COL17A1: variants seen among roughly 807,000 people sequenced by gnomAD.
COL17A1 encodes the protein collagen type XVII alpha 1 chain.
In COL17A1, 181 loss-of-function variants were observed where a neutral mutation model predicts 218.4. That is an observed-to-expected ratio of 0.83 (90% CI 0.73 to 0.94). COL17A1 has a LOEUF of 0.94. COL17A1 is among the 40% of genes least tolerant of loss of function. COL17A1 has a pLI of 0.00. For missense variants in COL17A1, 1,924 were observed against 1,945.9 expected (o/e 0.99, Z 0.21); for synonymous variants, 721 against 731.0 (o/e 0.99, Z 0.22).
Position 104,050,249 on chromosome 10 carries a change from T to C in COL17A1, c.2129-125A>G, listed in dbSNP as rs911517443. The C allele has an allele frequency of 5.4e-5, 76 of 1,400,710 alleles. 1 individual carries two copies. Among genetic ancestry groups the C allele is most frequent in the South Asian group, 3.5e-4 (28 of 79,960 alleles). 86.8% of individuals were successfully genotyped at this position (1,400,710 alleles called of 1,614,324 possible). On this transcript the variant is annotated intron_variant, in intron 27 of 55. Coordinates refer to ENST00000648076, the MANE Select transcript of COL17A1 (RefSeq NM_000494.4). The stretch of plus-strand genomic sequence containing the variant: ...GTATCCGTGAACTCCTGTCAGCGGA[T>C]GTTGGTGAGGACACAGCATTAATGC...
At chr10:104,064,621 C>A in intron 9 of COL17A1, 25 bp from the exon 10 acceptor site, 2 of 1,601,454 alleles carry the variant, frequency 1.2e-6, no homozygotes, top group Non-Finnish European at 1.7e-6. Flanking sequence ...ATGCACACAC[C>A]CCAGTGAGAG....
intron 37 of COL17A1, 62 bp downstream of exon 37, chr10:104,041,423 A>G: frequency 6.2e-7 from 1 of 1,600,140 alleles, no homozygotes; most frequent in South Asian, 1.1e-5. Flanking sequence ...CTTCCTCACT[A>G]AGTGCATTGA....
At chr10:104,060,978 G>A (rs1390887080) in intron 13 of COL17A1, among the ~76,000 whole-genome samples, 1 of 152,194 alleles carries the variant, frequency 6.6e-6, no homozygotes, top group Non-Finnish European at 1.5e-5. Flanking sequence ...TTAGAACAAT[G>A]GAGGAAACAG....
In COL17A1 at chr10:104,035,509, C is replaced by G. The variant is rs769963119; in HGVS notation, c.3473G>C (p.Gly1158Ala). 1.9e-6 allele frequency: 3 copies of G among 1,613,944 alleles called. No homozygotes were observed. The highest frequency in any genetic ancestry group is 1.7e-5 in the Admixed American group (1 of 59,998). Residue 1158 changes from glycine to alanine, a missense_variant, in exon 49 of 56, where the codon GGA (glycine) becomes GCA (alanine). Transcript: ENST00000648076. ...GGAGAGGAGCTCCTCATAGGAGGTT[C>G]CCGGCAAGCCAGGGGGCCCCGGGGG... ...PGPPGPPGLPGTSYEELLSLL... is the reference protein window; with the variant it reads ...PGPPGPPGLPATSYEELLSLL...
chr10:104,038,350 AAG>A, intron 45 of COL17A1, 54 bp downstream of exon 45: 2 of 1,610,064 alleles, frequency 1.2e-6, no homozygotes, highest in African/African-American at 2.7e-5. Flanking sequence ...CTCCCTTGCA[AAG>A]AGACTGTATC....
chr10:104,034,377 T>A (rs866473872), intron 51 of COL17A1, 43 bp from the exon 52 acceptor site: 4 of 1,530,298 alleles, frequency 2.6e-6, no homozygotes, highest in Non-Finnish European at 8.7e-7. Context: ...CAGATCTCGG[T>A]GGAGAGAAAG....
chr10:104,061,694 A>AC (rs1200015524), intron 12 of COL17A1, among the ~76,000 whole-genome samples: 1 of 151,624 alleles, frequency 6.6e-6, no homozygotes, highest in Non-Finnish European at 1.5e-5. Flanking sequence ...GTCCTCCTAG[A>AC]CCCCCATGCA....
Position 104,032,191 on chromosome 10 carries a change from T to C in COL17A1, c.*44A>G. ...GGAGACCTTGGACCTAAGTGCCACA[T>C]GCATTATGAGACCTGGTCCAGGAGC... On this transcript the variant is annotated 3_prime_UTR_variant, in exon 56 of 56. Transcript: ENST00000648076. The C allele has an allele frequency of 6.5e-7, 1 of 1,540,950 alleles. No homozygotes were observed. The highest frequency in any genetic ancestry group is 9.0e-7 in the Non-Finnish European group (1 of 1,113,612).
At chr10:104,084,590 G>T (rs2086791407) in intron 1 of COL17A1, among the ~76,000 whole-genome samples, 1 of 152,124 alleles carries the variant, frequency 6.6e-6, no homozygotes, top group Non-Finnish European at 1.5e-5. Context: ...TCAGGGTTTT[G>T]CCATGTTACC....
At chr10:104,063,957 C>T in intron 10 of COL17A1, 139 bp from the exon 11 acceptor site, 1 of 1,206,744 alleles carries the variant, frequency 8.3e-7, no homozygotes, top group South Asian at 1.3e-5. Flanking sequence ...TTAGGAAAAA[C>T]AGGCTCTTGC....
At chr10:104,073,139 G>A in intron 7 of COL17A1, 71 bp downstream of exon 7, 2 of 1,395,812 alleles carry the variant, frequency 1.4e-6, no homozygotes, top group South Asian at 2.3e-5. Context: ...CTGGCTCAAG[G>A]CTGGACACAC....
chr10:104,056,849 C>G lies in COL17A1; in HGVS notation c.1465+126G>C, dbSNP rs1589568426. ...TCATCTGCGGTAACAAGGGTCTGCA[C>G]CAATGCATTCAGGTCCCCTCGCCCC... On this transcript the variant is annotated intron_variant, in intron 17 of 55. Coordinates refer to ENST00000648076, the MANE Select transcript of COL17A1 (RefSeq NM_000494.4). 5 of 1,527,380 alleles carry G rather than the reference C, an allele frequency of 3.3e-6. No homozygotes were observed. In the East Asian group the frequency reaches 9.8e-5, roughly 30 times the overall value. 94.6% of individuals were successfully genotyped at this position (1,527,380 alleles called of 1,614,324 possible).
chr10:104,073,328 G>C (rs1232838318), intron 6 of COL17A1, 83 bp from the exon 7 acceptor site: 1 of 1,257,124 alleles, frequency 8.0e-7, no homozygotes, highest in Non-Finnish European at 1.2e-6. Context: ...GATATATTTG[G>C]GGAGGGGTTA....
chr10:104,071,266 C>T (rs959927574), intron 8 of COL17A1, among the ~76,000 whole-genome samples: 6 of 152,150 alleles, frequency 3.9e-5, no homozygotes, highest in Non-Finnish European at 7.4e-5. Context: ...CAACTCCCTT[C>T]GCCTCACCAC....
chr10:104,041,382 A>C (rs149366949), intron 37 of COL17A1, 38 bp from the exon 38 acceptor site: 1 of 1,607,014 alleles, frequency 6.2e-7, no homozygotes, highest in Admixed American at 1.7e-5. Flanking sequence ...TGCTGAGCTC[A>C]GGGAGCTGAT....
In COL17A1 at chr10:104,033,995, C is replaced by T; in HGVS notation, c.4106G>A (p.Gly1369Glu). 1 of 1,614,228 alleles carries T rather than the reference C, an allele frequency of 6.2e-7. No homozygotes were observed. Among genetic ancestry groups the T allele is most frequent in the African/African-American group, 1.3e-5 (1 of 75,054 alleles). The stretch of plus-strand genomic sequence containing the variant: ...AGCCAGCTCATTGTAATCCAGATCT[C>T]CAGCAAAGTCAGCTCCCAATAGTCC... ...NGGLLGADFA[G>E]DLDYNELAVR... The change falls in exon 52 of 56, where the codon GGA becomes GAA. Residue 1369 changes from glycine (G) to glutamate (E), a missense_variant. Physicochemically the swap from Gly to Glu is moderately conservative, Grantham distance 98 (BLOSUM62 -2). Coordinates refer to ENST00000648076, the MANE Select transcript of COL17A1 (RefSeq NM_000494.4).
intron 1 of COL17A1, among the ~76,000 whole-genome samples, chr10:104,082,969 G>A (rs1314159795): frequency 6.6e-6 from 1 of 152,194 alleles, no homozygotes; most frequent in African/African-American, 2.4e-5. Flanking sequence ...GATATAACCT[G>A]CTCTAGGCAG....
At position 104,070,512 on chromosome 10, in the gene COL17A1, C is replaced by T; in HGVS notation, c.521G>A (p.Ser174Asn). 1 of 1,614,160 alleles carries T rather than the reference C, an allele frequency of 6.2e-7. No individual in the cohort carries two copies. The highest frequency in any genetic ancestry group is 1.1e-5 in the South Asian group (1 of 91,082). ...TGTGTTGGAGGAATTCCGGGTGGGG[C>T]TCACACTTGCCGATCGACTCCCCTT... is the stretch of plus-strand genomic sequence containing the variant. ...LLKGSRSASV[S>N]PTRNSSNTLP... Residue 174 changes from serine to asparagine, a missense_variant, in exon 9 of 56, where the codon AGC becomes AAC. Transcript: ENST00000648076.
In COL17A1 at chr10:104,061,406, G is replaced by C. The variant is rs377503745; in HGVS notation, c.978C>G (p.Ala326=). 6.2e-7 allele frequency: 1 copy of C among 1,613,136 alleles called. No individual in the cohort carries two copies. Among genetic ancestry groups the C allele is most frequent in the Non-Finnish European group, 8.5e-7 (1 of 1,179,868 alleles). ...AAVNTGVSTS[A]ACTTSVQSDD... ...CTGGCAGCTGGGAGCAGCACTCACC[G>C]GCGGAGGTGGAAACGCCAGTGTTCA... is the stretch of plus-strand genomic sequence containing the variant. Residue 326 remains alanine (A), a splice_region_variant and synonymous_variant, in exon 13 of 56, where the codon GCC becomes GCG. Transcript: ENST00000648076.
Sources: gnomAD v4.1 joint callset for allele counts (sites outside exome capture counted in the v4.1 genomes callset) on GRCh38, gnomAD v4.1.1 for gene constraint, MANE v1.5 for transcripts, NCBI Gene and HGNC (gene_info 2026-07-23, HGNC 2026-07-21) for gene names.